The following BRINP1 variants were observed in gnomAD, a reference collection of about 807,000 sequenced individuals.
The protein encoded by BRINP1 is BMP/retinoic acid-inducible neural-specific protein 1.
A neutral mutation model predicts 72.9 loss-of-function variants in BRINP1; 17 were observed. The observed-to-expected ratio is 0.23, with a 90% CI of 0.16 to 0.35. The LOEUF (loss-of-function observed/expected upper bound fraction) is 0.35. Among genes scored for constraint, BRINP1 ranks in the 10% least tolerant of loss-of-function variants. BRINP1 has a pLI of 1.00. For synonymous variants in BRINP1, 418 were observed against 378.5 expected (o/e 1.10, Z -1.21); for missense variants, 850 against 1,001.6 (o/e 0.85, Z 2.04).
intron 2 of BRINP1, among the ~76,000 whole-genome samples, chr9:119,299,407 A>G (rs1162877555): frequency 6.6e-6 from 1 of 152,120 alleles, no homozygotes; most frequent in African/African-American, 2.4e-5. Flanking sequence ...TGAGGTCGGG[A>G]GTTCAAGACC....
intron 1 of BRINP1, among the ~76,000 whole-genome samples, chr9:119,341,934 T>A (rs1831410471): frequency 6.6e-6 from 1 of 152,056 alleles, no homozygotes; most frequent in South Asian, 2.1e-4. Flanking sequence ...CAGCTAATTT[T>A]TTTTTGTATC....
rs1831720764 is a variant in BRINP1 at position 119,368,663 on chromosome 9, G to A, written c.-51+393C>T. Reference sequence around the variant, plus strand: ...CAAACATGCACACACACATCGCGCCGTAAGTAGGTTATAGGACCTCTCTCT... The same window carrying A: ...CAAACATGCACACACACATCGCGCCATAAGTAGGTTATAGGACCTCTCTCT... On this transcript the variant is annotated intron_variant, in intron 1 of 7. Coordinates refer to ENST00000265922, the MANE Select transcript of BRINP1 (RefSeq NM_014618.3). The surrounding 1 kb of genome is among the most constrained non-coding windows in gnomAD (Gnocchi z 4.7). Among the ~76,000 whole-genome samples, 1 of 151,920 alleles carries A rather than the reference G, an allele frequency of 6.6e-6. No individual in the cohort carries two copies. Among genetic ancestry groups the A allele is most frequent in the African/African-American group, 2.4e-5 (1 of 41,358 alleles).
intron 1 of BRINP1, among the ~76,000 whole-genome samples, chr9:119,362,073 C>A (rs1173913202): frequency 3.3e-5 from 5 of 150,710 alleles, no homozygotes; most frequent in Non-Finnish European, 7.4e-5. Flanking sequence ...CCCCTCCGCC[C>A]TCCCAAAGTG....
At chr9:119,336,627 A>C (rs1303156076) in intron 1 of BRINP1, among the ~76,000 whole-genome samples, 5 of 152,146 alleles carry the variant, frequency 3.3e-5, no homozygotes, top group Non-Finnish European at 5.9e-5. Flanking sequence ...GATGGAAACA[A>C]AGCAGTCGTA....
chr9:119,300,535 A>C (rs1306199161), intron 2 of BRINP1, among the ~76,000 whole-genome samples: 1 of 152,162 alleles, frequency 6.6e-6, no homozygotes, highest in Non-Finnish European at 1.5e-5. Flanking sequence ...AAAAATTAAA[A>C]AATAAAAAAT....
chr9:119,180,773 A>G (rs749416387), intron 7 of BRINP1, among the ~76,000 whole-genome samples: 18 of 152,168 alleles, frequency 1.2e-4, no homozygotes, highest in Non-Finnish European at 2.2e-4. Context: ...CAGCCTCATT[A>G]AGTAGCTCAT....
intron 4 of BRINP1, among the ~76,000 whole-genome samples, chr9:119,241,649 T>C (rs932061733): frequency 1.3e-5 from 2 of 152,152 alleles, no homozygotes; most frequent in African/African-American, 4.8e-5. Context: ...AACATAGATG[T>C]TTAAAATATT....
At chr9:119,330,920 G>T in intron 1 of BRINP1, among the ~76,000 whole-genome samples, 1 of 152,218 alleles carries the variant, frequency 6.6e-6, no homozygotes, top group South Asian at 2.1e-4. Flanking sequence ...CCAGGTTCTT[G>T]GGAGGCTGAG....
At chr9:119,280,635 A>G (rs1006899089) in intron 2 of BRINP1, among the ~76,000 whole-genome samples, 2 of 152,064 alleles carry the variant, frequency 1.3e-5, no homozygotes, top group African/African-American at 4.8e-5. Flanking sequence ...CAGGAATCTC[A>G]CTACTCAAGT....
At chr9:119,199,114 G>A (rs1226329437) in intron 7 of BRINP1, among the ~76,000 whole-genome samples, 1 of 152,164 alleles carries the variant, frequency 6.6e-6, no homozygotes, top group African/African-American at 2.4e-5. Flanking sequence ...GAAACAGAGG[G>A]ATCAGGTAGG....
At chr9:119,255,856 G>A (rs554762197) in intron 2 of BRINP1, among the ~76,000 whole-genome samples, 22 of 148,750 alleles carry the variant, frequency 1.5e-4, no homozygotes, top group Admixed American at 3.5e-4. Context: ...TCAGGAGACT[G>A]AGGCAGGAGA....
intron 2 of BRINP1, among the ~76,000 whole-genome samples, chr9:119,253,229 G>A (rs1479346103): frequency 6.6e-6 from 1 of 152,026 alleles, no homozygotes; most frequent in Non-Finnish European, 1.5e-5. Flanking sequence ...CTAAAAATAG[G>A]ACTACCATAT....
At chr9:119,294,814 C>G (rs943350043) in intron 2 of BRINP1, among the ~76,000 whole-genome samples, 1 of 144,210 alleles carries the variant, frequency 6.9e-6, no homozygotes, top group Non-Finnish European at 1.5e-5. Flanking sequence ...CGAGATCACA[C>G]CACTGCACTC....
Position 119,281,026 on chromosome 9 carries a change from A to G in BRINP1, c.219-31876T>C, listed in dbSNP as rs141918613. 2.1e-3 allele frequency among the ~76,000 whole-genome samples: 316 copies of G among 152,296 alleles called. 3 individuals carry two copies. Among genetic ancestry groups the G allele is most frequent in the African/African-American group, 7.0e-3 (293 of 41,570 alleles). ...AACATTCTCTGCACCACCCAGAGGT[A>G]CAGGAAAGGCAGATGCTGGAGTTAA... On this transcript the variant is annotated intron_variant, in intron 2 of 7. Coordinates refer to ENST00000265922, the MANE Select transcript of BRINP1 (RefSeq NM_014618.3).
chr9:119,206,377 G>A (rs1024502130), intron 7 of BRINP1, among the ~76,000 whole-genome samples: 10 of 133,472 alleles, frequency 7.5e-5, no homozygotes, highest in African/African-American at 2.0e-4. Context: ...CCAAGATAGC[G>A]ACACTGCACT....
intron 2 of BRINP1, among the ~76,000 whole-genome samples, chr9:119,265,900 C>G (rs1830544459): frequency 6.6e-6 from 1 of 152,178 alleles, no homozygotes; most frequent in Admixed American, 6.5e-5. Flanking sequence ...TCTCCTCCTT[C>G]AAGTGGGTCC....
At chr9:119,205,944 A>G (rs993213246) in intron 7 of BRINP1, among the ~76,000 whole-genome samples, 1 of 152,088 alleles carries the variant, frequency 6.6e-6, no homozygotes, top group Non-Finnish European at 1.5e-5. Context: ...ATCAAAAGCT[A>G]CCTCCTATAA....
intron 7 of BRINP1, among the ~76,000 whole-genome samples, chr9:119,169,667 C>T (rs1461714754): frequency 6.6e-6 from 1 of 152,254 alleles, no homozygotes; most frequent in African/African-American, 2.4e-5. Flanking sequence ...TAGGCTCCAC[C>T]TCTGGGGGCA....
intron 2 of BRINP1, among the ~76,000 whole-genome samples, chr9:119,302,060 T>C (rs1830944606): frequency 6.6e-6 from 1 of 152,210 alleles, no homozygotes; most frequent in Non-Finnish European, 1.5e-5. Context: ...TGAGAAGCCA[T>C]GCACTGCCAC....
Sources: gnomAD v4.1 joint callset for allele counts (sites outside exome capture counted in the v4.1 genomes callset) on GRCh38, gnomAD v4.1.1 for gene constraint, Gnocchi (gnomAD v3.1) non-coding constraint, MANE v1.5 for transcripts, NCBI Gene and HGNC (gene_info 2026-07-23, HGNC 2026-07-21) for gene names.